Variants in CMPK1 observed in about 807,000 individuals in gnomAD.
The protein encoded by CMPK1 is UMP-CMP kinase.
CMPK1 carries 10 observed loss-of-function variants against 25.7 expected under a neutral mutation model. The observed-to-expected ratio is 0.39, with a 90% CI of 0.24 to 0.66. The LOEUF (loss-of-function observed/expected upper bound fraction) is 0.66, where lower values mean the gene tolerates loss of function less well. CMPK1 is among the 30% of genes least tolerant of loss of function. The pLI is 0.48. For synonymous variants in CMPK1, 106 were observed against 101.5 expected, an observed-to-expected ratio of 1.04 and a Z score of -0.27; for missense variants, 199 against 280.5, an observed-to-expected ratio of 0.71 and a Z score of 2.08.
rs1014689227 is a variant in CMPK1 at position 47,363,955 on chromosome 1, A to G, written c.172-4514A>G. 3.9e-5 allele frequency among the ~76,000 whole-genome samples: 6 copies of G among 151,936 alleles called. No homozygotes were observed. In the South Asian group the frequency reaches 1.3e-3, roughly 32 times the overall value. On this transcript the variant is annotated intron_variant, in intron 1 of 5. Coordinates refer to ENST00000371873, the MANE Select transcript of CMPK1 (RefSeq NM_016308.3). Reference sequence around the variant, plus strand: ...GAGATTCCGTCTAAAAGGAAAAAAAATGTTTTGAAACAGATAATAGACTTA... The same window carrying G: ...GAGATTCCGTCTAAAAGGAAAAAAAGTGTTTTGAAACAGATAATAGACTTA...
At chr1:47,350,857 G>A (rs1014771012) in intron 1 of CMPK1, among the ~76,000 whole-genome samples, 5 of 150,920 alleles carry the variant, frequency 3.3e-5, no homozygotes, top group African/African-American at 7.3e-5. Context: ...GCATTGAGCC[G>A]AGATCACGCC....
intron 1 of CMPK1, among the ~76,000 whole-genome samples, chr1:47,350,048 C>T (rs979681710): frequency 1.6e-4 from 24 of 152,104 alleles, no homozygotes; most frequent in Non-Finnish European, 2.9e-4. Context: ...TCAAGTGATC[C>T]GCCCACCTCG....
At chr1:47,371,971 C>T (rs188436520) in intron 2 of CMPK1, among the ~76,000 whole-genome samples, 2 of 152,312 alleles carry the variant, frequency 1.3e-5, no homozygotes, top group South Asian at 2.1e-4. Context: ...CCTATATTCT[C>T]CTGCCTCTTC....
intron 1 of CMPK1, among the ~76,000 whole-genome samples, chr1:47,357,636 C>T (rs544721239): frequency 1.1e-4 from 16 of 152,046 alleles, no homozygotes; most frequent in African/African-American, 3.4e-4. Context: ...AGGCACCCGC[C>T]GTCATGCGTG....
At chr1:47,355,655 G>A (rs751570722) in intron 1 of CMPK1, among the ~76,000 whole-genome samples, 1 of 150,228 alleles carries the variant, frequency 6.7e-6, no homozygotes, top group Non-Finnish European at 1.5e-5. Context: ...TGCCCAGGCT[G>A]GAGTGCAGTG....
chr1:47,343,996 A>G (rs1443960089), intron 1 of CMPK1, among the ~76,000 whole-genome samples: 2 of 151,996 alleles, frequency 1.3e-5, no homozygotes, highest in Non-Finnish European at 2.9e-5. Flanking sequence ...TGAGAAAGAG[A>G]ATTCAAGGCT....
In CMPK1 at chr1:47,363,719, C is replaced by T. The variant is rs114743198; in HGVS notation, c.172-4750C>T. Among the ~76,000 whole-genome samples, 964 of 151,916 alleles carry T rather than the reference C, an allele frequency of 6.3e-3. 11 individuals carry two copies. The highest frequency in any genetic ancestry group is 0.021 in the African/African-American group (877 of 41,434). On this transcript the variant is annotated intron_variant, in intron 1 of 5. Coordinates refer to ENST00000371873, the MANE Select transcript of CMPK1 (RefSeq NM_016308.3). ...CAACACTTTGGAAGGCCGAGGCTGACGGATCATGAGATCAGGAGTTCAAGA... is the reference window on the plus strand; with the variant it reads ...CAACACTTTGGAAGGCCGAGGCTGATGGATCATGAGATCAGGAGTTCAAGA...
At chr1:47,356,667 A>G (rs1031123261) in intron 1 of CMPK1, among the ~76,000 whole-genome samples, 3 of 152,016 alleles carry the variant, frequency 2.0e-5, no homozygotes, top group African/African-American at 4.8e-5. Flanking sequence ...AATGCCTTCT[A>G]TTTATTTATT....
At chr1:47,362,927 C>G (rs537639251) in intron 1 of CMPK1, among the ~76,000 whole-genome samples, 13 of 152,222 alleles carry the variant, frequency 8.5e-5, no homozygotes, top group African/African-American at 3.1e-4. Flanking sequence ...AGGAAAAACC[C>G]TTTTTTCCAA....
chr1:47,355,999 T>C (rs578230135), intron 1 of CMPK1, among the ~76,000 whole-genome samples: 117 of 152,362 alleles, frequency 7.7e-4, no homozygotes, highest in Non-Finnish European at 1.5e-3. Flanking sequence ...ATTATACTTA[T>C]GATGCCTTTC....
intron 1 of CMPK1, among the ~76,000 whole-genome samples, chr1:47,361,223 T>C (rs1275343106): frequency 6.6e-6 from 1 of 152,064 alleles, no homozygotes; most frequent in Non-Finnish European, 1.5e-5. Flanking sequence ...ACCCTGTCTT[T>C]ACTAAAAATA....
chr1:47,357,440 G>A (rs1435754796), intron 1 of CMPK1, among the ~76,000 whole-genome samples: 6 of 151,446 alleles, frequency 4.0e-5, no homozygotes, highest in Non-Finnish European at 7.4e-5. Flanking sequence ...CCTTTTACAA[G>A]GAAACCACTC....
chr1:47,364,065 C>G (rs1445576154), intron 1 of CMPK1, among the ~76,000 whole-genome samples: 1 of 152,240 alleles, frequency 6.6e-6, no homozygotes, highest in Admixed American at 6.5e-5. Context: ...GACCTCCCCC[C>G]ATAGTACCTG....
intron 1 of CMPK1, among the ~76,000 whole-genome samples, chr1:47,346,985 G>A (rs529544547): frequency 1.3e-5 from 2 of 151,352 alleles, no homozygotes; most frequent in East Asian, 3.9e-4. Flanking sequence ...GTTTCACCGC[G>A]TTGGCCAGGC....
chr1:47,334,141 T>C, intron 1 of CMPK1, 25 bp downstream of exon 1: 2 of 1,461,292 alleles, frequency 1.4e-6, no homozygotes, highest in Non-Finnish European at 1.8e-6. Flanking sequence ...GCAGGCGGGC[T>C]CCTTGGGGCT....
At chr1:47,347,777 C>T (rs1219451019) in intron 1 of CMPK1, among the ~76,000 whole-genome samples, 3 of 152,110 alleles carry the variant, frequency 2.0e-5, no homozygotes, top group African/African-American at 4.8e-5. Context: ...AGGCATGCGC[C>T]GTTACCATGC....
chr1:47,376,562 C>T (rs557826191), intron 5 of CMPK1, 142 bp from the exon 6 acceptor site: 72 of 457,856 alleles, frequency 1.6e-4, no homozygotes, highest in Middle Eastern at 6.3e-4. Flanking sequence ...GTGATCTGCC[C>T]GCCTCGACCT....
rs911280051 is a variant in CMPK1 at position 47,377,598 on chromosome 1, GT to G, written c.*862del. The stretch of plus-strand genomic sequence containing the variant: ...TTAGCATTTTAGTAACACTTCAAAG[GT>G]TTTTTTTTGTTTGTTTTCTAGACTT... On this transcript the variant is annotated 3_prime_UTR_variant, in exon 6 of 6. Transcript: ENST00000371873. 3 of 151,358 alleles carry G rather than the reference GT, an allele frequency of 2.0e-5. No homozygotes were observed. The highest frequency in any genetic ancestry group is 1.9e-4 in the East Asian group (1 of 5,164). 9.4% of individuals were successfully genotyped at this position (151,358 alleles called of 1,614,324 possible).
intron 1 of CMPK1, among the ~76,000 whole-genome samples, chr1:47,347,163 TCTTC>T (rs1303794597): frequency 6.7e-6 from 1 of 149,662 alleles, no homozygotes; most frequent in Non-Finnish European, 1.5e-5. Flanking sequence ...TCCCTCCCTT[TCTTC>T]CTTCCTTTCT....
Sources: gnomAD v4.1 joint callset for allele counts (sites outside exome capture counted in the v4.1 genomes callset) on GRCh38, gnomAD v4.1.1 for gene constraint, MANE v1.5 for transcripts, NCBI Gene and HGNC (gene_info 2026-07-23, HGNC 2026-07-21) for gene names.